NELL1: variants seen among roughly 807,000 people sequenced by gnomAD.
NELL1 encodes neural EGFL like 1.
In NELL1, 76 loss-of-function variants were observed where a neutral mutation model predicts 107.4. That is an observed-to-expected ratio of 0.71 (90% confidence interval 0.59 to 0.86). The LOEUF (loss-of-function observed/expected upper bound fraction) is 0.86. Among genes scored for constraint, NELL1 ranks in the 40% least tolerant of loss-of-function variants. The pLI is 0.00. For missense variants in NELL1, 1,024 were observed against 1,005.5 expected (o/e 1.02, Z -0.25); for synonymous variants, 353 against 341.2 (o/e 1.03, Z -0.38).
At chr11:21,113,756 T>C (rs1420173335) in intron 13 of NELL1, 42 bp downstream of exon 13, 4 of 1,599,840 alleles carry the variant, frequency 2.5e-6, no homozygotes, top group Non-Finnish European at 3.4e-6. Context: ...ATTCATCCAT[T>C]CTCTGCACCA....
intron 13 of NELL1, among the ~76,000 whole-genome samples, chr11:21,194,053 A>C (rs934199605): frequency 7.9e-5 from 12 of 151,890 alleles, no homozygotes; most frequent in African/African-American, 2.2e-4. Flanking sequence ...AAGATTTTCC[A>C]GCTATGAAGG....
At chr11:20,987,082 G>A (rs1851868783) in intron 12 of NELL1, among the ~76,000 whole-genome samples, 2 of 152,056 alleles carry the variant, frequency 1.3e-5, no homozygotes, top group African/African-American at 4.8e-5. Context: ...TAATCAAAAT[G>A]GCTTTTTTTA....
intron 12 of NELL1, among the ~76,000 whole-genome samples, chr11:21,037,934 T>A (rs1853136386): frequency 6.6e-6 from 1 of 152,130 alleles, no homozygotes; most frequent in Non-Finnish European, 1.5e-5. Flanking sequence ...TGTGGACAGG[T>A]ATTGGTAGAT....
At chr11:20,680,655 C>T (rs1046305187) in intron 2 of NELL1, among the ~76,000 whole-genome samples, 1 of 152,094 alleles carries the variant, frequency 6.6e-6, no homozygotes, top group African/African-American at 2.4e-5. Flanking sequence ...GTGCAAACTC[C>T]GTTGGGTTCA....
At chr11:21,540,847 G>T (rs1359823664) in intron 16 of NELL1, among the ~76,000 whole-genome samples, 1 of 151,890 alleles carries the variant, frequency 6.6e-6, no homozygotes, top group East Asian at 1.9e-4. Flanking sequence ...CATATCACTG[G>T]CTTATTTCAT....
At chr11:21,163,341 G>A (rs776488232) in intron 13 of NELL1, among the ~76,000 whole-genome samples, 3 of 152,150 alleles carry the variant, frequency 2.0e-5, no homozygotes, top group East Asian at 1.9e-4. Context: ...GGAGCATGGC[G>A]GGAAGATGAT....
chr11:21,083,313 G>T (rs1202140404), intron 12 of NELL1, among the ~76,000 whole-genome samples: 1 of 152,100 alleles, frequency 6.6e-6, no homozygotes, highest in Admixed American at 6.6e-5. Flanking sequence ...GAGGTCAGAG[G>T]GTATAGGGGT....
At chr11:20,831,585 G>C (rs1441769494) in intron 3 of NELL1, among the ~76,000 whole-genome samples, 1 of 152,052 alleles carries the variant, frequency 6.6e-6, no homozygotes, top group African/African-American at 2.4e-5. Context: ...TTTGGAAGGT[G>C]GGGGGGACCC....
intron 2 of NELL1, among the ~76,000 whole-genome samples, chr11:20,695,195 A>T (rs932357759): frequency 6.6e-6 from 1 of 152,084 alleles, no homozygotes; most frequent in South Asian, 2.1e-4. Flanking sequence ...ACCTTTTGGC[A>T]TAGTCTTCAG....
intron 15 of NELL1, among the ~76,000 whole-genome samples, chr11:21,404,009 C>CG (rs768666399): frequency 3.7e-5 from 4 of 107,564 alleles, no homozygotes; most frequent in East Asian, 7.4e-4. Flanking sequence ...TCCTGAACCC[C>CG]CCCCCCCGCA....
chr11:21,189,086 A>C lies in NELL1; in HGVS notation c.1427-40246A>C, dbSNP rs557043615. ...AATTATATCATAATGTATATATTCA[A>C]CTGCCACTTGCATTTGTCACTCAAT... On this transcript the variant is annotated intron_variant, in intron 13 of 19. Transcript: ENST00000357134. Among the ~76,000 whole-genome samples the C allele has an allele frequency of 1.3e-3, 194 of 151,992 alleles. 5 individuals carry two copies. Among genetic ancestry groups the C allele is most frequent in the African/African-American group, 4.6e-3 (188 of 41,274 alleles).
chr11:21,060,934 A>AC (rs1853725698), intron 12 of NELL1, among the ~76,000 whole-genome samples: 1 of 152,014 alleles, frequency 6.6e-6, no homozygotes, highest in African/African-American at 2.4e-5. Context: ...ATGGGGTTTC[A>AC]CCCTATTGGT....
chr11:21,533,083 G>A (rs1165927878), intron 15 of NELL1, among the ~76,000 whole-genome samples: 2 of 152,194 alleles, frequency 1.3e-5, no homozygotes, highest in African/African-American at 2.4e-5. Context: ...AAGGGATGAT[G>A]TATGTGAAAA....
chr11:20,931,235 G>C (rs918712368), intron 9 of NELL1, among the ~76,000 whole-genome samples: 3 of 151,964 alleles, frequency 2.0e-5, no homozygotes, highest in African/African-American at 2.4e-5. Context: ...GAATACCGGG[G>C]GAAGGCCTGG....
chr11:20,774,714 TA>T (rs1856714979), intron 2 of NELL1, among the ~76,000 whole-genome samples: 1 of 152,150 alleles, frequency 6.6e-6, no homozygotes, highest in South Asian at 2.1e-4. Flanking sequence ...AACAAATGAA[TA>T]AATGAGCGGA....
chr11:20,901,561 A>ATTT (rs11375119), intron 5 of NELL1, among the ~76,000 whole-genome samples: 232 of 147,314 alleles, frequency 1.6e-3, no homozygotes, highest in African/African-American at 5.1e-3. Flanking sequence ...TCCCAAGAGG[A>ATTT]TTTTTTTTTT....
intron 2 of NELL1, among the ~76,000 whole-genome samples, chr11:20,706,959 A>G (rs1402158045): frequency 2.6e-5 from 4 of 152,048 alleles, no homozygotes; most frequent in Non-Finnish European, 5.9e-5. Context: ...CCTGAAGAGT[A>G]TTTTCCAACT....
In NELL1 at chr11:20,744,355, T is replaced by C. The variant is rs147456006; in HGVS notation, c.185-39325T>C. Among the ~76,000 whole-genome samples, 731 of 152,368 alleles carry C rather than the reference T, an allele frequency of 4.8e-3. 3 individuals are homozygous for C. Among genetic ancestry groups the C allele is most frequent in the African/African-American group, 0.016 (681 of 41,588 alleles). On this transcript the variant is annotated intron_variant, in intron 2 of 19. Coordinates refer to ENST00000357134, the MANE Select transcript of NELL1 (RefSeq NM_006157.5). ...TTATTATACTATTTATCATCCTTGC[T>C]TGTCATAATCAGACCAGTCTTCTCA... is the stretch of plus-strand genomic sequence containing the variant.
intron 4 of NELL1, among the ~76,000 whole-genome samples, chr11:20,856,917 C>G (rs561338134): frequency 1.3e-5 from 2 of 152,220 alleles, no homozygotes; most frequent in African/African-American, 4.8e-5. Flanking sequence ...TTTTGAGATG[C>G]TAAGTGTAAG....
Sources: allele counts gnomAD v4.1 joint callset (sites outside exome capture counted in the v4.1 genomes callset), GRCh38; gene constraint gnomAD v4.1.1; transcripts MANE v1.5; gene names NCBI Gene and HGNC (gene_info 2026-07-23, HGNC 2026-07-21).